The following FLNA variants were observed in gnomAD, a reference collection of about 807,000 sequenced individuals.
The protein encoded by FLNA is filamin-A.
A neutral mutation model predicts 157.6 loss-of-function variants in FLNA; 7 were observed. The ratio of observed to expected loss-of-function variants is 0.04; its 90% CI spans 0.03 to 0.08. The LOEUF is 0.08. Ranked by LOEUF, FLNA falls within the 10% of genes least tolerant of loss-of-function variation. The pLI is 1.00. For synonymous variants in FLNA, 1,103 were observed against 1,060.8 expected, an observed-to-expected ratio of 1.04 and a Z score of -0.77; for missense variants, 1,750 against 2,398.4, an observed-to-expected ratio of 0.73 and a Z score of 5.65.
At chrX:154,366,260 G>A in intron 8 of FLNA, 36 bp from the exon 9 acceptor site, 2 of 1,210,857 alleles carry the variant, frequency 1.7e-6, no homozygotes, top group Non-Finnish European at 2.2e-6. Context: ...CCAGGCCCCA[G>A]TGCGGCTCTC....
chrX:154,365,548 C>T (rs2067751638), intron 9 of FLNA, 62 bp from the exon 10 acceptor site: 5 of 1,169,701 alleles, frequency 4.3e-6, no homozygotes, highest in African/African-American at 1.8e-5. Flanking sequence ...CCCTTGCCTC[C>T]CACAGGGCCG....
Position 154,359,715 on chromosome X carries a change from G to A in FLNA, c.3979+17C>T. 1.7e-6 allele frequency: 2 copies of A among 1,210,871 alleles called. No homozygotes were observed. The highest frequency in any genetic ancestry group is 1.8e-5 in the South Asian group (1 of 57,005). On this transcript the variant is annotated intron_variant, in intron 23 of 47. Transcript: ENST00000369850. ...ACCCACCCCGTCTGCCAGCCTGTGG[G>A]AGTCCCCAGCACGCACCCTCCTCGT...
chrX:154,365,016 C>T (rs1340116301), intron 11 of FLNA, 59 bp from the exon 12 acceptor site: 1 of 1,207,302 alleles, frequency 8.3e-7, no homozygotes, highest in Non-Finnish European at 1.1e-6. Context: ...CCAGCGTGGG[C>T]CCCACTGTGG....
At chrX:154,365,880 A>G (rs2067754886) in intron 9 of FLNA, 144 bp downstream of exon 9, 5 of 501,669 alleles carry the variant, frequency 1.0e-5, no homozygotes, top group Non-Finnish European at 1.6e-5. Flanking sequence ...GCAGGGGAGG[A>G]AAAACAGCAT....
chrX:154,353,753 G>A lies in FLNA; in HGVS notation c.5687-26C>T, dbSNP rs781994555. 4 of 1,202,717 alleles carry A rather than the reference G, an allele frequency of 3.3e-6. No homozygotes were observed. The African/African-American group carries it at 5.2e-5, about 16-fold the overall frequency. ...CTGGAGAGAGCCGTGGGTGAGCATG[G>A]GAACTATGCTGGGGACACTCCAGTT... On this transcript the variant is annotated intron_variant, in intron 35 of 47. Transcript: ENST00000369850.
At chrX:154,357,064 T>A (rs2067668314) in intron 30 of FLNA, among the ~76,000 whole-genome samples, 187 bp downstream of exon 30, 1 of 112,071 alleles carries the variant, frequency 8.9e-6, no homozygotes, top group African/African-American at 3.2e-5. Context: ...GGAGCGGTCA[T>A]GCTCAGCTCC....
rs370898185 is a variant in FLNA at position 154,365,314 on chromosome X, G to A, written c.1567+35C>T. 82 of 1,210,626 alleles carry A rather than the reference G, an allele frequency of 6.8e-5. No homozygotes were observed. The African/African-American group carries it at 1.2e-3, about 17-fold the overall frequency. The stretch of plus-strand genomic sequence containing the variant: ...CCCAGCAGTGAACCCGGGGGCTGCC[G>A]CCACCCATCCTGGCCTGGCTCCAGG... On this transcript the variant is annotated intron_variant, in intron 10 of 47. Coordinates refer to ENST00000369850, the MANE Select transcript of FLNA (RefSeq NM_001110556.2).
Position 154,364,667 on chromosome X carries a change from G to A in FLNA, c.1881C>T (p.Gly627=), listed in dbSNP as rs188138322. ...AGTAGCGCACATCACAGGAGCCGTC[G>A]CCCTTGTCGTCACATTCGATCTTAG... ...SQAKIECDDK[G]DGSCDVRYWP... is the part of the protein sequence containing the mutation. Residue 627 remains glycine, a synonymous_variant, in exon 13 of 48, where the codon GGC becomes GGT. Transcript: ENST00000369850. 1.7e-4 allele frequency: 204 copies of A among 1,208,247 alleles called. 1 individual carries two copies. In the African/African-American group the frequency reaches 3.0e-3, roughly 18 times the overall value.
At position 154,367,264 on chromosome X, in the gene FLNA, C is replaced by A. The variant is rs375787622; in HGVS notation, c.868+133G>T. 5.9e-5 allele frequency: 40 copies of A among 676,373 alleles called. No homozygotes were observed. The African/African-American group carries it at 8.7e-4, about 15-fold the overall frequency. 55.7% of individuals were successfully genotyped at this position (676,373 alleles called of 1,213,427 possible). On this transcript the variant is annotated intron_variant, in intron 5 of 47. Coordinates refer to ENST00000369850, the MANE Select transcript of FLNA (RefSeq NM_001110556.2). ...ACTAGTCCCAAAAACCCACTCTTGT[C>A]TGACTCTTGGGTGGCTTGATCACCT...
Position 154,362,097 on chromosome X carries a change from C to T in FLNA, c.2708G>A (p.Gly903Asp). The change falls in exon 19 of 48, where the codon GGC (glycine) becomes GAC (aspartate). Residue 903 changes from glycine (G) to aspartate (D), a missense_variant. Physicochemically the swap from Gly to Asp is moderately conservative, Grantham distance 94. Transcript: ENST00000369850. Reference protein sequence around the residue: ...THFTVNAKAAGKGKLDVQFSG... With the variant: ...THFTVNAKAADKGKLDVQFSG... ...GAACTGGACGTCCAGCTTGCCTTTG[C>T]CAGCAGCTTTGGCATTTACTGTGAA... 1 of 1,211,659 alleles carries T rather than the reference C, an allele frequency of 8.3e-7. No homozygotes were observed. Among genetic ancestry groups the T allele is most frequent in the Non-Finnish European group, 1.1e-6 (1 of 895,355 alleles).
In FLNA at chrX:154,349,342, C is replaced by A. The variant is rs782395246; in HGVS notation, c.7756+20G>T. On this transcript the variant is annotated intron_variant, in intron 47 of 47. Coordinates refer to ENST00000369850, the MANE Select transcript of FLNA (RefSeq NM_001110556.2). ...GCCTCATTTTGGTGGGAAGGTGGGC[C>A]GGGGGCCCAGGTTGCCCACCTGCTT... 2.9e-5 allele frequency: 35 copies of A among 1,199,564 alleles called. No homozygotes were observed. In the East Asian group the frequency reaches 1.0e-3, roughly 36 times the overall value.
chrX:154,370,510 G>GCCT (rs1381661978), intron 2 of FLNA, among the ~76,000 whole-genome samples: 2 of 112,791 alleles, frequency 1.8e-5, no homozygotes, highest in Admixed American at 1.8e-4. Flanking sequence ...GAGAGCCCGG[G>GCCT]CCTCCTCCTC....
At chrX:154,349,986 G>C in intron 45 of FLNA, 45 bp downstream of exon 45, 1 of 1,199,260 alleles carries the variant, frequency 8.3e-7, no homozygotes, top group Non-Finnish European at 1.1e-6. Context: ...GGAGGCAAGG[G>C]CCTAGCAGCT....
chrX:154,373,814 C>T (rs1201818038), intron 1 of FLNA, among the ~76,000 whole-genome samples: 2 of 113,343 alleles, frequency 1.8e-5, no homozygotes, highest in Non-Finnish European at 3.7e-5. Context: ...ACGGTGCACT[C>T]GGAGCACTTA....
At position 154,364,245 on chromosome X, in the gene FLNA, CG is replaced by C. The variant is rs1557178660; in HGVS notation, c.2136+13del. ...CCACACCTGCCCTGCCCCCAACACC[CG>C]TGGGTGCTCTACCTGGACTTGGACC... On this transcript the variant is annotated intron_variant, in intron 14 of 47. Coordinates refer to ENST00000369850, the MANE Select transcript of FLNA (RefSeq NM_001110556.2). 1 of 1,206,258 alleles carries C rather than the reference CG, an allele frequency of 8.3e-7. No individual in the cohort carries two copies. The highest frequency in any genetic ancestry group is 1.7e-5 in the African/African-American group (1 of 57,197).
In FLNA at chrX:154,353,073, C is replaced by T. The variant is rs1557176115; in HGVS notation, c.6154G>A (p.Val2052Ile). The T allele has an allele frequency of 8.3e-7, 1 of 1,211,774 alleles. No homozygotes were observed. The highest frequency in any genetic ancestry group is 1.1e-6 in the Non-Finnish European group (1 of 895,505). The change falls in exon 38 of 48, where the codon GTC (valine) becomes ATC (isoleucine). Residue 2052 changes from valine to isoleucine, a missense_variant. Transcript: ENST00000369850. ...CCTTCGTGAAGGCCCTGACCAGAGA[C>T]CCGAACACGACTGGCATCCCCAATT... ...SEIGDASRVRVSGQGLHEGHT... is the reference protein window; with the variant it reads ...SEIGDASRVRISGQGLHEGHT...
chrX:154,358,382 T>C (rs369967761), intron 27 of FLNA, 27 bp from the exon 28 acceptor site: 113 of 1,209,563 alleles, frequency 9.3e-5, no homozygotes, highest in Admixed American at 1.3e-4. Context: ...TTGTGAGCAG[T>C]CAGACAGGTT....
Position 154,364,818 on chromosome X carries a change from T to C in FLNA, c.1828+3A>G, listed in dbSNP as rs368041880. 205 of 1,208,532 alleles carry C rather than the reference T, an allele frequency of 1.7e-4. No individual in the cohort carries two copies. Among genetic ancestry groups the C allele is most frequent in the Non-Finnish European group, 2.2e-4 (196 of 894,879 alleles). On this transcript the variant is annotated splice_donor_region_variant and intron_variant, in intron 12 of 47. Coordinates refer to ENST00000369850, the MANE Select transcript of FLNA (RefSeq NM_001110556.2). ...GGTGCCCATGCTGCAGCCTCCAACT[T>C]ACCCAGCGTGCCCACGTCGTCCCCG...
At position 154,360,100 on chromosome X, in the gene FLNA, G is replaced by A. The variant is rs782495669; in HGVS notation, c.3695C>T (p.Thr1232Ile). The A allele has an allele frequency of 2.5e-5, 30 of 1,210,260 alleles. No individual in the cohort carries two copies. Among genetic ancestry groups the A allele is most frequent in the Admixed American group, 6.5e-5 (3 of 46,083 alleles). Residue 1232 changes from threonine to isoleucine, a missense_variant, in exon 22 of 48, where the codon ACC becomes ATC. This residue lies in a region of FLNA where 970 missense variants were observed against 1,302.6 expected (regional missense o/e 0.74). Coordinates refer to ENST00000369850, the MANE Select transcript of FLNA (RefSeq NM_001110556.2). ...CACGGGCTGGCCGCCGTACTTGATGGTGACGGTGTAGGCCCCGGGGCAGAG... is the reference window on the plus strand; with the variant it reads ...CACGGGCTGGCCGCCGTACTTGATGATGACGGTGTAGGCCCCGGGGCAGAG... ...IPLCPGAYTV[T>I]IKYGGQPVPN... is the part of the protein sequence containing the mutation.
Sources: gnomAD v4.1 joint callset for allele counts (sites outside exome capture counted in the v4.1 genomes callset) on GRCh38, gnomAD v4.1.1 for gene constraint, gnomAD v4.1.1 regional missense constraint, MANE v1.5 for transcripts, NCBI Gene and HGNC (gene_info 2026-07-23, HGNC 2026-07-21) for gene names.